PTPRD: variants seen among roughly 807,000 people sequenced by gnomAD.
PTPRD encodes the protein protein tyrosine phosphatase receptor type D.
A neutral mutation model predicts 214.5 loss-of-function variants in PTPRD; 34 were observed. The ratio of observed to expected loss-of-function variants is 0.16; its 90% CI spans 0.12 to 0.21. PTPRD has a LOEUF of 0.21. Among genes scored for constraint, PTPRD ranks in the 10% least tolerant of loss-of-function variants. The pLI, the probability that PTPRD is intolerant of heterozygous loss-of-function variation, is 1.00. For missense variants in PTPRD, 2,545 were observed against 2,398.7 expected (o/e 1.06, Z -1.27); for synonymous variants, 1,128 against 845.7 (o/e 1.33, Z -5.79).
At chr9:9,487,193 A>C (rs2095679930) in intron 8 of PTPRD, among the ~76,000 whole-genome samples, 5 of 151,810 alleles carry the variant, frequency 3.3e-5, no homozygotes. Flanking sequence ...TATATCTCCT[A>C]ATGCTATCCC....
chr9:9,474,669 A>G (rs1258157441), intron 8 of PTPRD, among the ~76,000 whole-genome samples: 6 of 122,134 alleles, frequency 4.9e-5, no homozygotes, highest in Non-Finnish European at 1.8e-5. Flanking sequence ...CATTAGTTAA[A>G]TCTATTCCTA....
intron 3 of PTPRD, among the ~76,000 whole-genome samples, chr9:10,086,554 C>T (rs941743678): frequency 6.6e-6 from 1 of 151,710 alleles, no homozygotes; most frequent in African/African-American, 2.4e-5. Context: ...TAAACTTGGA[C>T]AAATACTTTT....
chr9:8,414,614 C>A (rs7850752), intron 35 of PTPRD, among the ~76,000 whole-genome samples: 55,641 of 121,128 alleles, frequency 0.46, 11,284 homozygotes, highest in East Asian at 0.71. Flanking sequence ...TGGAGCTCTA[C>A]AATAGGCTGA....
intron 7 of PTPRD, among the ~76,000 whole-genome samples, chr9:9,643,420 T>C (rs2096038037): frequency 6.6e-6 from 1 of 152,162 alleles, no homozygotes; most frequent in East Asian, 1.9e-4. Flanking sequence ...TCCAGGACTG[T>C]TAGAAAAACA....
intron 6 of PTPRD, among the ~76,000 whole-genome samples, chr9:9,754,459 G>T (rs1327044931): frequency 6.6e-6 from 1 of 152,058 alleles, no homozygotes; most frequent in Non-Finnish European, 1.5e-5. Context: ...TAACAGCTCA[G>T]TGATTCCATC....
intron 10 of PTPRD, among the ~76,000 whole-genome samples, chr9:9,026,163 C>G (rs1297075934): frequency 2.0e-5 from 3 of 151,662 alleles, no homozygotes; most frequent in Non-Finnish European, 4.4e-5. Flanking sequence ...GAGCTGAGAT[C>G]TTAACAAAAG....
chr9:10,327,241 G>A (rs950716206), intron 3 of PTPRD, among the ~76,000 whole-genome samples: 6 of 148,874 alleles, frequency 4.0e-5, no homozygotes, highest in African/African-American at 1.2e-4. Context: ...AGCAGGAAAT[G>A]AAAAAGAAAA....
chr9:10,284,801 T>C (rs536525248), intron 3 of PTPRD, among the ~76,000 whole-genome samples: 97 of 152,282 alleles, frequency 6.4e-4, no homozygotes, highest in African/African-American at 2.1e-3. Context: ...AGAGAGCATC[T>C]GCTGCTTCTA....
intron 8 of PTPRD, among the ~76,000 whole-genome samples, chr9:9,498,217 G>T (rs764913593): frequency 6.6e-6 from 1 of 152,232 alleles, no homozygotes; most frequent in Non-Finnish European, 1.5e-5. Flanking sequence ...TATGCTCTTT[G>T]AGTGGCATTC....
intron 5 of PTPRD, among the ~76,000 whole-genome samples, chr9:9,822,403 CCATCT>C (rs1397147395): frequency 6.7e-6 from 1 of 148,294 alleles, no homozygotes; most frequent in Non-Finnish European, 1.5e-5. Context: ...GAGCAGGACT[CCATCT>C]CAAAAAATAT....
intron 2 of PTPRD, among the ~76,000 whole-genome samples, chr9:10,591,802 T>G (rs2075519213): frequency 6.6e-6 from 1 of 152,088 alleles, no homozygotes; most frequent in Non-Finnish European, 1.5e-5. Context: ...CTGTTGCTCA[T>G]GCTTATTTCA....
chr9:9,591,110 G>C (rs1391487106), intron 7 of PTPRD, among the ~76,000 whole-genome samples: 1 of 151,976 alleles, frequency 6.6e-6, no homozygotes, highest in Non-Finnish European at 1.5e-5. Flanking sequence ...TAAAATAGGA[G>C]GATTGTCTGG....
chr9:8,966,557 A>G (rs2099196496), intron 11 of PTPRD, among the ~76,000 whole-genome samples: 1 of 152,112 alleles, frequency 6.6e-6, no homozygotes, highest in Admixed American at 6.6e-5. Flanking sequence ...GGCCAGCCAT[A>G]TCCAGAAGAA....
At chr9:10,204,158 G>C (rs433355) in intron 3 of PTPRD, among the ~76,000 whole-genome samples, 23,755 of 152,032 alleles carry the variant, frequency 0.16, 2,212 homozygotes, top group East Asian at 0.4. Flanking sequence ...ACCTCTATGA[G>C]ATTTGAATGT....
At chr9:9,352,714 T>C (rs551315941) in intron 9 of PTPRD, among the ~76,000 whole-genome samples, 1 of 151,990 alleles carries the variant, frequency 6.6e-6, no homozygotes, top group South Asian at 2.1e-4. Flanking sequence ...GAATTATGTC[T>C]ACATAGTTCA....
chr9:8,493,317 C>A (rs533918505), intron 26 of PTPRD, among the ~76,000 whole-genome samples: 1 of 152,294 alleles, frequency 6.6e-6, no homozygotes, highest in African/African-American at 2.4e-5. Flanking sequence ...CATTTCCCAT[C>A]TGAATGTTGG....
rs575879265 is a variant in PTPRD, at chr9:9,289,982, G to C, written c.-202-106619C>G. Among the ~76,000 whole-genome samples the C allele has an allele frequency of 3.3e-5, 5 of 151,826 alleles. No homozygotes were observed. In the South Asian group the frequency reaches 6.2e-4, roughly 19 times the overall value. ...CCTTTGGATATATACCCAGAAATTA[G>C]GTTGTTGAATCATGTCGTGGTTCTA... On this transcript the variant is annotated intron_variant, in intron 9 of 45. Coordinates refer to ENST00000381196, the MANE Select transcript of PTPRD (RefSeq NM_002839.4).
intron 44 of PTPRD, among the ~76,000 whole-genome samples, chr9:8,326,515 A>G (rs1346078171): frequency 6.6e-6 from 1 of 151,260 alleles, no homozygotes. Flanking sequence ...CATCAGGGAT[A>G]TTGGCCTGGA....
chr9:9,110,195 T>A (rs2099804098), intron 10 of PTPRD, among the ~76,000 whole-genome samples: 1 of 152,146 alleles, frequency 6.6e-6, no homozygotes, highest in African/African-American at 2.4e-5. Flanking sequence ...CTCAAGATTT[T>A]GCTTGGTTCT....
Sources: gnomAD v4.1 joint callset for allele counts (sites outside exome capture counted in the v4.1 genomes callset) on GRCh38, gnomAD v4.1.1 for gene constraint, MANE v1.5 for transcripts, NCBI Gene and HGNC (gene_info 2026-07-23, HGNC 2026-07-21) for gene names.